TRIO: variants seen among roughly 807,000 people sequenced by gnomAD.
TRIO encodes trio Rho guanine nucleotide exchange factor, also known as triple functional domain protein.
In TRIO, 58 loss-of-function variants were observed where a neutral mutation model predicts 351.9. The ratio of observed to expected loss-of-function variants is 0.16; its 90% CI spans 0.13 to 0.21. The LOEUF (loss-of-function observed/expected upper bound fraction) is 0.21, where lower values mean the gene tolerates loss of function less well. Ranked by LOEUF, TRIO falls within the 10% of genes least tolerant of loss-of-function variation. The probability of loss-of-function intolerance (pLI) is 1.00; values close to 1 mark genes in which losing one functional copy is unlikely to be tolerated. For synonymous variants in TRIO, 1,758 were observed against 1,595.7 expected (o/e 1.10, Z -2.42); for missense variants, 3,201 against 4,027.8 (o/e 0.79, Z 5.56).
intron 9 of TRIO, among the ~76,000 whole-genome samples, chr5:14,327,453 C>A (rs575692441): frequency 6.6e-6 from 1 of 152,112 alleles, no homozygotes; most frequent in East Asian, 1.9e-4. Flanking sequence ...TGTGAGCCAC[C>A]GCGCCTGGCC....
At chr5:14,316,310 G>A (rs992069371) in intron 8 of TRIO, among the ~76,000 whole-genome samples, 1 of 152,144 alleles carries the variant, frequency 6.6e-6, no homozygotes, top group Non-Finnish European at 1.5e-5. Flanking sequence ...GATAGCTGAT[G>A]GATTGTTTTA....
chr5:14,390,591 T>G (rs1488750472), intron 26 of TRIO: 3 of 533,444 alleles, frequency 5.6e-6, no homozygotes, highest in Non-Finnish European at 9.9e-6. Flanking sequence ...GGGGATCGTC[T>G]AGTCTAGAGG....
intron 10 of TRIO, among the ~76,000 whole-genome samples, chr5:14,335,233 A>G (rs116032145): frequency 0.011 from 1,690 of 152,170 alleles, 16 homozygotes; most frequent in Non-Finnish European, 0.017. Flanking sequence ...ATTCCATTCT[A>G]CTAATGTAAC....
intron 49 of TRIO, among the ~76,000 whole-genome samples, chr5:14,493,956 C>G (rs1006981358): frequency 1.3e-5 from 2 of 152,204 alleles, no homozygotes; most frequent in Admixed American, 1.3e-4. Context: ...AAGGCTCCAT[C>G]TCTCTCCAGT....
intron 47 of TRIO, among the ~76,000 whole-genome samples, chr5:14,486,511 C>G (rs915885517): frequency 6.6e-6 from 1 of 152,146 alleles, no homozygotes; most frequent in Non-Finnish European, 1.5e-5. Flanking sequence ...TCCTCAGGTG[C>G]GAAGAGGTTC....
Position 14,290,895 on chromosome 5 carries a change from C to A in TRIO, c.720C>A (p.Ile240=). The A allele has an allele frequency of 6.2e-7, 1 of 1,614,090 alleles. No individual in the cohort carries two copies. Among genetic ancestry groups the A allele is most frequent in the Non-Finnish European group, 8.5e-7 (1 of 1,180,022 alleles). ...MLSRLEELQD[I]LAKKELPQDL... is the part of the protein sequence containing the mutation. The stretch of plus-strand genomic sequence containing the variant: ...CTCGGCTGGAGGAACTTCAGGACAT[C>A]CTAGCTAAGAAGGAGCTGCCTCAGG... Residue 240 remains isoleucine (I), a synonymous_variant, in exon 5 of 57, where the codon ATC becomes ATA. Transcript: ENST00000344204.
intron 2 of TRIO, among the ~76,000 whole-genome samples, chr5:14,271,731 T>C (rs1795986301): frequency 6.6e-6 from 1 of 152,256 alleles, no homozygotes; most frequent in South Asian, 2.1e-4. Context: ...AGAATTTTTA[T>C]CTTTCTTAAA....
intron 1 of TRIO, among the ~76,000 whole-genome samples, chr5:14,159,766 C>T (rs547674712): frequency 6.0e-4 from 92 of 152,198 alleles, no homozygotes; most frequent in African/African-American, 2.0e-3. Flanking sequence ...AGGGTTTTAC[C>T]ATGTTTGCCA....
intron 1 of TRIO, among the ~76,000 whole-genome samples, chr5:14,226,213 C>T (rs940585422): frequency 6.6e-6 from 1 of 152,172 alleles, no homozygotes; most frequent in Non-Finnish European, 1.5e-5. Context: ...TCCAGTCCTC[C>T]CACTTAGGTT....
At chr5:14,443,372 T>C (rs1202006574) in intron 34 of TRIO, among the ~76,000 whole-genome samples, 5 of 152,226 alleles carry the variant, frequency 3.3e-5, no homozygotes, top group Admixed American at 1.3e-4. Context: ...CTAACGCTTA[T>C]AGTAATTTCA....
chr5:14,442,259 C>T (rs973350226), intron 34 of TRIO, among the ~76,000 whole-genome samples: 22 of 152,186 alleles, frequency 1.4e-4, no homozygotes, highest in African/African-American at 5.1e-4. Context: ...GTATATGCTT[C>T]GGAAGTGGGC....
chr5:14,368,942 A>G lies in TRIO; in HGVS notation c.3066+43A>G, dbSNP rs367578848. 7 of 1,574,338 alleles carry G rather than the reference A, an allele frequency of 4.4e-6. No homozygotes were observed. The African/African-American group carries it at 8.2e-5, about 18-fold the overall frequency. On this transcript the variant is annotated intron_variant, in intron 17 of 56. Transcript: ENST00000344204. ...CTTCCTTGAACTCCACTGATACTTT[A>G]TTTTGAGCTTAATTTATTGGACAGC... is the stretch of plus-strand genomic sequence containing the variant.
At chr5:14,335,706 T>G (rs1741340666) in intron 10 of TRIO, among the ~76,000 whole-genome samples, 1 of 152,244 alleles carries the variant, frequency 6.6e-6, no homozygotes, top group Admixed American at 6.5e-5. Flanking sequence ...GGTTCATGCC[T>G]GTAATCCTGG....
intron 1 of TRIO, among the ~76,000 whole-genome samples, chr5:14,212,339 C>T (rs1197692738): frequency 6.6e-6 from 1 of 152,040 alleles, no homozygotes; most frequent in Non-Finnish European, 1.5e-5. Context: ...GGGCTGGTGG[C>T]TCCCTCTGAT....
intron 1 of TRIO, among the ~76,000 whole-genome samples, chr5:14,171,690 A>G (rs1789103675): frequency 6.6e-6 from 1 of 152,208 alleles, no homozygotes. Context: ...TTTAAGGACT[A>G]CTTAGTTGCT....
rs575012819 is a variant in TRIO, at chr5:14,278,826, A to G, written c.233-1496A>G. Among the ~76,000 whole-genome samples the G allele has an allele frequency of 3.3e-5, 5 of 152,334 alleles. No homozygotes were observed. In the East Asian group the frequency reaches 5.8e-4, roughly 18 times the overall value. On this transcript the variant is annotated intron_variant, in intron 2 of 56. Coordinates refer to ENST00000344204, the MANE Select transcript of TRIO (RefSeq NM_007118.4). ...TCATTCATAAATGTTAGCCCCCTCT[A>G]AGGACCAGGAACCCGTTATTTAGTT...
chr5:14,384,188 A>C (rs1746352483), intron 21 of TRIO, among the ~76,000 whole-genome samples: 1 of 152,114 alleles, frequency 6.6e-6, no homozygotes, highest in Non-Finnish European at 1.5e-5. Context: ...TCACCACTTG[A>C]TTTTTGCACA....
At chr5:14,176,268 G>T (rs1248742884) in intron 1 of TRIO, among the ~76,000 whole-genome samples, 1 of 152,110 alleles carries the variant, frequency 6.6e-6, no homozygotes, top group Non-Finnish European at 1.5e-5. Context: ...TCAGGAGATC[G>T]AGATCATCCT....
chr5:14,282,718 A>G (rs1469903814), intron 3 of TRIO, among the ~76,000 whole-genome samples: 4 of 152,172 alleles, frequency 2.6e-5, no homozygotes, highest in African/African-American at 9.7e-5. Context: ...GGTGTATTTT[A>G]TAACAAATCC....
Sources: allele counts gnomAD v4.1 joint callset (sites outside exome capture counted in the v4.1 genomes callset), GRCh38; gene constraint gnomAD v4.1.1; transcripts MANE v1.5; gene names NCBI Gene and HGNC (gene_info 2026-07-23, HGNC 2026-07-21).